TCAF1: variants seen among roughly 807,000 people sequenced by gnomAD.
The protein encoded by TCAF1 is TRPM8 channel-associated factor 1.
Under a neutral mutation model 27.3 loss-of-function variants are expected in TCAF1, and 4 were observed. The ratio of observed to expected loss-of-function variants is 0.15; its 90% CI spans 0.07 to 0.34. TCAF1 has a LOEUF of 0.34. TCAF1 is among the 10% of genes least tolerant of loss of function. The pLI is 1.00. For synonymous variants in TCAF1, 105 were observed against 167.1 expected (o/e 0.63, Z 2.87); for missense variants, 257 against 425.8 (o/e 0.60, Z 3.49).
chr7:143,885,260 CCA>C, intron 1 of TCAF1: 1 of 985,568 alleles, frequency 1.0e-6, no homozygotes, highest in African/African-American at 1.7e-5. Context: ...GGGGAGTCTT[CCA>C]CAGAGATGTG....
chr7:143,876,527 C>G lies in TCAF1; in HGVS notation c.82G>C (p.Glu28Gln). 1.3e-6 allele frequency: 2 copies of G among 1,563,956 alleles called. No individual in the cohort carries two copies. Among genetic ancestry groups the G allele is most frequent in the Non-Finnish European group, 1.7e-6 (2 of 1,160,012 alleles). Residue 28 changes from glutamate to glutamine, a missense_variant, in exon 2 of 9, where the codon GAA becomes CAA. Physicochemically the swap from Glu to Gln is conservative, Grantham distance 29. Coordinates refer to ENST00000479870, the MANE Select transcript of TCAF1 (RefSeq NM_014719.3). ...WDVPEDAVPC[E>Q]LLLIGEASFP... Reference sequence around the variant, plus strand: ...GAAGCCTCTCCAATAAGAAGCAGTTCACATGGAACAGCATCTTCGGGTACA... The same window carrying G: ...GAAGCCTCTCCAATAAGAAGCAGTTGACATGGAACAGCATCTTCGGGTACA...
chr7:143,887,361 T>C (rs570488640), intron 1 of TCAF1, among the ~76,000 whole-genome samples: 23 of 152,308 alleles, frequency 1.5e-4, no homozygotes, highest in African/African-American at 5.0e-4. Context: ...ATCCTACTTT[T>C]TGCAGGGAAA....
chr7:143,894,740 G>C (rs1043675014), intron 1 of TCAF1, among the ~76,000 whole-genome samples: 12 of 151,380 alleles, frequency 7.9e-5, no homozygotes, highest in Non-Finnish European at 1.6e-4. Flanking sequence ...AAATAAAGAG[G>C]TTCTTTTTAT....
At chr7:143,901,796 C>T (rs560470410) in intron 1 of TCAF1, among the ~76,000 whole-genome samples, 165 bp downstream of exon 1, 22 of 152,302 alleles carry the variant, frequency 1.4e-4, no homozygotes, top group African/African-American at 5.1e-4. Context: ...AAATAGGCAC[C>T]GAGCTGCAGA....
intron 1 of TCAF1, among the ~76,000 whole-genome samples, chr7:143,899,386 G>T (rs1814021893): frequency 1.3e-5 from 2 of 152,142 alleles, no homozygotes; most frequent in African/African-American, 4.8e-5. Flanking sequence ...AAGAATGGGG[G>T]CTTAAAACGA....
chr7:143,890,613 C>G (rs1813598018), intron 1 of TCAF1, among the ~76,000 whole-genome samples: 1 of 152,104 alleles, frequency 6.6e-6, no homozygotes, highest in Non-Finnish European at 1.5e-5. Context: ...CCTTGATGAA[C>G]AGAAAACACA....
chr7:143,885,456 C>T (rs1813355426), intron 1 of TCAF1: 1 of 985,420 alleles, frequency 1.0e-6, no homozygotes, highest in Non-Finnish European at 1.2e-6. Context: ...AGAGGCCCGG[C>T]TTTGTGTCAG....
intron 1 of TCAF1, among the ~76,000 whole-genome samples, 155 bp downstream of exon 1, chr7:143,901,806 A>C (rs2116884998): frequency 6.6e-6 from 1 of 152,328 alleles, no homozygotes; most frequent in East Asian, 1.9e-4. Context: ...CGAGCTGCAG[A>C]GAAAAATCAT....
At chr7:143,884,522 G>T (rs1415864094) in intron 1 of TCAF1, among the ~76,000 whole-genome samples, 1 of 152,090 alleles carries the variant, frequency 6.6e-6, no homozygotes, top group Non-Finnish European at 1.5e-5. Flanking sequence ...AGTCCCTTCC[G>T]GGTCTGCAAT....
At chr7:143,895,309 ATATACT>A (rs765834827) in intron 1 of TCAF1, among the ~76,000 whole-genome samples, 1 of 151,872 alleles carries the variant, frequency 6.6e-6, no homozygotes, top group African/African-American at 2.4e-5. Flanking sequence ...ATAATTTGTG[ATATACT>A]TATACAATAC....
At chr7:143,894,343 ACT>A (rs1321610508) in intron 1 of TCAF1, among the ~76,000 whole-genome samples, 1 of 151,770 alleles carries the variant, frequency 6.6e-6, no homozygotes, top group Non-Finnish European at 1.5e-5. Context: ...AAATGAAGAA[ACT>A]CTTCCCAACT....
intron 1 of TCAF1, among the ~76,000 whole-genome samples, chr7:143,883,210 A>AG (rs1231444037): frequency 6.6e-6 from 1 of 152,198 alleles, no homozygotes; most frequent in East Asian, 1.9e-4. Flanking sequence ...TATATTGCCA[A>AG]GGGGAAAATA....
At chr7:143,899,735 T>C (rs1476004707) in intron 1 of TCAF1, among the ~76,000 whole-genome samples, 1 of 152,178 alleles carries the variant, frequency 6.6e-6, no homozygotes, top group East Asian at 1.9e-4. Context: ...CTGTGGCATA[T>C]ATAGCTAACA....
At chr7:143,898,241 T>G (rs1813975689) in intron 1 of TCAF1, among the ~76,000 whole-genome samples, 2 of 152,142 alleles carry the variant, frequency 1.3e-5, no homozygotes, top group Non-Finnish European at 2.9e-5. Flanking sequence ...GCAAATGTCA[T>G]TTTTAAGTTG....
At chr7:143,859,974 A>AT (rs1811864316) in intron 6 of TCAF1, among the ~76,000 whole-genome samples, 11 of 10,072 alleles carry the variant, frequency 1.1e-3, no homozygotes, top group African/African-American at 2.0e-3. Flanking sequence ...ATATTATATA[A>AT]TATATATTAT....
intron 1 of TCAF1, among the ~76,000 whole-genome samples, chr7:143,895,939 TG>T (rs1813853171): frequency 1.6e-5 from 1 of 63,234 alleles, no homozygotes; most frequent in Middle Eastern, 0.02. Flanking sequence ...AAAAAATGGG[TG>T]GGGGGAGGGG....
chr7:143,866,665 TA>T (rs1812176777), intron 2 of TCAF1, among the ~76,000 whole-genome samples: 1 of 152,280 alleles, frequency 6.6e-6, no homozygotes, highest in African/African-American at 2.4e-5. Context: ...TCACTCAGAA[TA>T]ACTTTGTGAG....
chr7:143,882,568 T>C (rs1288823406), intron 1 of TCAF1: 2 of 985,086 alleles, frequency 2.0e-6, no homozygotes, highest in Non-Finnish European at 2.4e-6. Context: ...GGATTCTCTG[T>C]CCCCGATGAT....
intron 1 of TCAF1, among the ~76,000 whole-genome samples, chr7:143,892,663 G>A (rs1020774788): frequency 2.6e-5 from 4 of 151,618 alleles, no homozygotes; most frequent in African/African-American, 7.3e-5. Flanking sequence ...GCATGTTTGT[G>A]TCCCTCCAAA....
Sources: allele counts gnomAD v4.1 joint callset (sites outside exome capture counted in the v4.1 genomes callset), GRCh38; gene constraint gnomAD v4.1.1; transcripts MANE v1.5; gene names NCBI Gene and HGNC (gene_info 2026-07-23, HGNC 2026-07-21).